CAMTA1: variants seen among roughly 807,000 people sequenced by gnomAD.
CAMTA1 encodes calmodulin binding transcription activator 1.
A neutral mutation model predicts 170.9 loss-of-function variants in CAMTA1; 27 were observed. The observed-to-expected ratio is 0.16, with a 90% CI of 0.12 to 0.22. The LOEUF is 0.22. Ranked by LOEUF, CAMTA1 falls within the 10% of genes least tolerant of loss-of-function variation. The probability of loss-of-function intolerance (pLI) is 1.00; values close to 1 mark genes in which losing one functional copy is unlikely to be tolerated. For missense variants in CAMTA1, 1,619 were observed against 2,217.2 expected, an observed-to-expected ratio of 0.73 and a Z score of 5.42; for synonymous variants, 833 against 891.5, an observed-to-expected ratio of 0.93 and a Z score of 1.17.
chr1:6,843,903 A>G (rs1656895814), intron 3 of CAMTA1, among the ~76,000 whole-genome samples: 1 of 152,192 alleles, frequency 6.6e-6, no homozygotes, highest in African/African-American at 2.4e-5. Context: ...TCAGCAAGAA[A>G]CAGAGCAGGG....
At position 7,050,601 on chromosome 1, in the gene CAMTA1, G is replaced by C. The variant is rs1386400704; in HGVS notation, c.235-40703G>C. Reference sequence around the variant, plus strand: ...CCCAGTTGAGATATCTGTCTCGGCAGTACCAGGCTATTTGAACATGTCTTT... The same window carrying C: ...CCCAGTTGAGATATCTGTCTCGGCACTACCAGGCTATTTGAACATGTCTTT... On this transcript the variant is annotated intron_variant, in intron 3 of 22. Transcript: ENST00000303635. The surrounding 1 kb of genome is among the most constrained non-coding windows in gnomAD (Gnocchi z 4.8). Among the ~76,000 whole-genome samples the C allele has an allele frequency of 6.6e-6, 1 of 152,192 alleles. No homozygotes were observed. The highest frequency in any genetic ancestry group is 2.4e-5 in the African/African-American group (1 of 41,446).
intron 11 of CAMTA1, among the ~76,000 whole-genome samples, chr1:7,703,370 A>T (rs1263264046): frequency 6.6e-6 from 1 of 152,134 alleles, no homozygotes; most frequent in East Asian, 1.9e-4. Flanking sequence ...TGGAATATGT[A>T]CTGGGGCTTT....
At chr1:7,375,652 A>T (rs554006297) in intron 5 of CAMTA1, among the ~76,000 whole-genome samples, 3 of 152,292 alleles carry the variant, frequency 2.0e-5, no homozygotes, top group East Asian at 1.9e-4. Context: ...GCAGGCTGGC[A>T]CCACTGATTA....
intron 3 of CAMTA1, 127 bp from the exon 4 acceptor site, chr1:7,091,177 T>G: frequency 1.4e-6 from 1 of 712,230 alleles, no homozygotes; most frequent in East Asian, 2.7e-5. Context: ...CGAGTATTTC[T>G]CTAGCAGGGA....
At chr1:7,498,283 C>A (rs527429467) in intron 6 of CAMTA1, among the ~76,000 whole-genome samples, 1 of 144,362 alleles carries the variant, frequency 6.9e-6, no homozygotes, top group African/African-American at 2.6e-5. Context: ...TGAGTGTGAG[C>A]GTGTATGAGC....
chr1:7,211,401 C>A (rs1658729865), intron 4 of CAMTA1, among the ~76,000 whole-genome samples: 1 of 152,200 alleles, frequency 6.6e-6, no homozygotes, highest in South Asian at 2.1e-4. Context: ...CTAACCAGTT[C>A]TTTCTCCATC....
chr1:7,529,845 C>T (rs767610063), intron 6 of CAMTA1, among the ~76,000 whole-genome samples: 2 of 152,192 alleles, frequency 1.3e-5, no homozygotes, highest in Non-Finnish European at 2.9e-5. Flanking sequence ...AAATGGCGAC[C>T]ATGACCAGGA....
chr1:7,372,391 T>C (rs1353445572), intron 5 of CAMTA1, among the ~76,000 whole-genome samples: 1 of 152,248 alleles, frequency 6.6e-6, no homozygotes, highest in African/African-American at 2.4e-5. Flanking sequence ...GTTTTTTGTT[T>C]GTTGTTTAGT....
intron 6 of CAMTA1, among the ~76,000 whole-genome samples, chr1:7,503,254 A>G (rs1219395565): frequency 3.9e-5 from 6 of 152,168 alleles, no homozygotes; most frequent in African/African-American, 1.4e-4. Context: ...GCCGAGAGCA[A>G]GGGTCCAGGG....
At chr1:7,075,399 C>T (rs1639159647) in intron 3 of CAMTA1, among the ~76,000 whole-genome samples, 1 of 152,218 alleles carries the variant, frequency 6.6e-6, no homozygotes, top group South Asian at 2.1e-4. Context: ...TTCCACTCCA[C>T]TCCGTTCCAT....
rs562288577 is a variant in CAMTA1 at position 7,007,607 on chromosome 1, T to G, written c.235-83697T>G. Among the ~76,000 whole-genome samples, 6 of 152,196 alleles carry G rather than the reference T, an allele frequency of 3.9e-5. No individual in the cohort carries two copies. Among genetic ancestry groups the G allele is most frequent in the African/African-American group, 1.2e-4 (5 of 41,538 alleles). Reference sequence around the variant, plus strand: ...CTCCTCCAATCCCAAACTCCTCCCATCCTCAGGTGACCTGGTGCTTGACCC... The same window carrying G: ...CTCCTCCAATCCCAAACTCCTCCCAGCCTCAGGTGACCTGGTGCTTGACCC... On this transcript the variant is annotated intron_variant, in intron 3 of 22. Transcript: ENST00000303635. This position sits in a 1 kb window ranked among gnomAD's most constrained non-coding sequence, Gnocchi z 4.5.
rs2094521591 is a variant in CAMTA1 at position 7,534,032 on chromosome 1, C to G, written c.510+66131C>G. Among the ~76,000 whole-genome samples, 1 of 152,164 alleles carries G rather than the reference C, an allele frequency of 6.6e-6. No homozygotes were observed. Among genetic ancestry groups the G allele is most frequent in the Admixed American group, 6.5e-5 (1 of 15,274 alleles). On this transcript the variant is annotated intron_variant, in intron 6 of 22. Transcript: ENST00000303635. The surrounding 1 kb of genome is among the most constrained non-coding windows in gnomAD (Gnocchi z 5.6). ...TCATCTACTGTACCTGGAGCCTTCT[C>G]CTGACCCTGAACCCTGCCCTTGCCC...
intron 6 of CAMTA1, among the ~76,000 whole-genome samples, chr1:7,615,099 T>A (rs896816015): frequency 2.0e-5 from 3 of 149,066 alleles, no homozygotes; most frequent in Non-Finnish European, 2.9e-5. Context: ...TTTGCTGAAG[T>A]GATTGGAATG....
In CAMTA1 at chr1:7,300,740, G is replaced by A. The variant is rs1234866728; in HGVS notation, c.438+51114G>A. 6.6e-6 allele frequency among the ~76,000 whole-genome samples: 1 copy of A among 152,166 alleles called. No homozygotes were observed. The highest frequency in any genetic ancestry group is 2.4e-5 in the African/African-American group (1 of 41,438). On this transcript the variant is annotated intron_variant, in intron 5 of 22. Coordinates refer to ENST00000303635, the MANE Select transcript of CAMTA1 (RefSeq NM_015215.4). The surrounding 1 kb of genome is among the most constrained non-coding windows in gnomAD (Gnocchi z 4.1). ...GAACCCTGAAAGATGGTGAATGATT[G>A]GCAGGCAATGAGAGGAAGTGTCGTG...
intron 5 of CAMTA1, among the ~76,000 whole-genome samples, chr1:7,392,086 G>A (rs1336155506): frequency 1.3e-5 from 2 of 152,288 alleles, no homozygotes; most frequent in African/African-American, 4.8e-5. Context: ...ACCCAACTGT[G>A]TTCCAAAGAG....
At chr1:7,190,520 C>G (rs1654319246) in intron 4 of CAMTA1, among the ~76,000 whole-genome samples, 1 of 152,048 alleles carries the variant, frequency 6.6e-6, no homozygotes, top group Non-Finnish European at 1.5e-5. Flanking sequence ...GAAAAATAGG[C>G]AGAGTTAGTT....
chr1:7,300,670 C>T lies in CAMTA1; in HGVS notation c.438+51044C>T, dbSNP rs1044337393. 4.1e-4 allele frequency among the ~76,000 whole-genome samples: 62 copies of T among 151,180 alleles called. No homozygotes were observed. Among genetic ancestry groups the T allele is most frequent in the African/African-American group, 1.5e-3 (60 of 40,870 alleles). On this transcript the variant is annotated intron_variant, in intron 5 of 22. Coordinates refer to ENST00000303635, the MANE Select transcript of CAMTA1 (RefSeq NM_015215.4). This position sits in a 1 kb window ranked among gnomAD's most constrained non-coding sequence, Gnocchi z 4.1. The stretch of plus-strand genomic sequence containing the variant: ...CCAGCCTGGACAACAAAGAGCAAAA[C>T]TCTGTCTCAAAAAAAAAAAAATTGT...
At chr1:7,654,695 CCCTATACACACAAACACACCCA>C (rs1334341448) in intron 7 of CAMTA1, among the ~76,000 whole-genome samples, 2 of 143,998 alleles carry the variant, frequency 1.4e-5, no homozygotes, top group Non-Finnish European at 3.0e-5. Flanking sequence ...ACACAAACAC[CCCTATACACACAAACACACCCA>C]CCTATACACA....
rs145505585 is a variant in CAMTA1 at position 6,926,086 on chromosome 1, C to G, written c.234+100876C>G. 3.9e-5 allele frequency among the ~76,000 whole-genome samples: 6 copies of G among 152,374 alleles called. No individual in the cohort carries two copies. In the South Asian group the frequency reaches 1.2e-3, roughly 32 times the overall value. On this transcript the variant is annotated intron_variant, in intron 3 of 22. Transcript: ENST00000303635. ...TGTGTCATCTATGAACTGATTAAAT[C>G]CACAGGGCAAAGAGGGCTGTTAGGA... is the stretch of plus-strand genomic sequence containing the variant.
Sources: allele counts gnomAD v4.1 joint callset (sites outside exome capture counted in the v4.1 genomes callset), GRCh38; gene constraint gnomAD v4.1.1; non-coding constraint Gnocchi (gnomAD v3.1); transcripts MANE v1.5; gene names NCBI Gene and HGNC (gene_info 2026-07-23, HGNC 2026-07-21).